LIMS1: variants seen among roughly 807,000 people sequenced by gnomAD.
The protein encoded by LIMS1 is LIM and senescent cell antigen-like-containing domain protein 1.
A neutral mutation model predicts 44.1 loss-of-function variants in LIMS1; 18 were observed. That is an observed-to-expected ratio of 0.41 (90% CI 0.28 to 0.61). LIMS1 has a LOEUF of 0.61. Among genes scored for constraint, LIMS1 ranks in the 20% least tolerant of loss-of-function variants. The pLI is 0.32. For missense variants in LIMS1, 201 were observed against 422.0 expected (o/e 0.48, Z 4.59); for synonymous variants, 93 against 149.1 (o/e 0.62, Z 2.74).
rs202008864 is a variant in LIMS1, at chr2:108,656,169, C to T, written c.33-3436C>T. ...AGATTTTTGGATTTATACATTGCTG[C>T]ATTTTAGGACCAAACAATTTGTTTT... On this transcript the variant is annotated intron_variant, in intron 1 of 9. Coordinates refer to ENST00000544547, the Ensembl canonical transcript of LIMS1. 4.8e-5 allele frequency among the ~76,000 whole-genome samples: 7 copies of T among 144,516 alleles called. No individual in the cohort carries two copies. In the East Asian group the frequency reaches 1.1e-3, roughly 22 times the overall value. The allele number at this position is 144,516 out of a possible 152,430, so 94.8% of individuals were successfully genotyped here.
At position 108,586,200 on chromosome 2, in the gene LIMS1, A is replaced by C. The variant is rs137975830; in HGVS notation, c.32+51606A>C. ...GAGCGAGACTCCGTCTCAAAACACAAAAAAAAACAAAAAAACAAACAAAAA... is the reference window on the plus strand; with the variant it reads ...GAGCGAGACTCCGTCTCAAAACACACAAAAAAACAAAAAAACAAACAAAAA... On this transcript the variant is annotated intron_variant, in intron 1 of 9. Coordinates refer to ENST00000544547, the Ensembl canonical transcript of LIMS1. Among the ~76,000 whole-genome samples the C allele has an allele frequency of 4.6e-3, 702 of 152,178 alleles. 4 individuals carry two copies. The highest frequency in any genetic ancestry group is 0.014 in the South Asian group (68 of 4,824).
chr2:108,570,251 T>C (rs1198615603), intron 1 of LIMS1, among the ~76,000 whole-genome samples: 1 of 152,008 alleles, frequency 6.6e-6, no homozygotes, highest in African/African-American at 2.4e-5. Context: ...GTCAACATGG[T>C]GAAACCCCAT....
intron 1 of LIMS1, among the ~76,000 whole-genome samples, chr2:108,568,225 C>CA (rs1685361174): frequency 6.6e-6 from 1 of 152,086 alleles, no homozygotes; most frequent in Admixed American, 6.6e-5. Context: ...TTCTGAGAAC[C>CA]AATTGTTAAT....
chr2:108,567,000 A>T (rs1038342068), intron 1 of LIMS1, among the ~76,000 whole-genome samples: 1 of 152,218 alleles, frequency 6.6e-6, no homozygotes, highest in Non-Finnish European at 1.5e-5. Flanking sequence ...CTGAAACTCT[A>T]TATCCATTGA....
chr2:108,574,225 G>A (rs1685587510), intron 1 of LIMS1, among the ~76,000 whole-genome samples: 1 of 152,082 alleles, frequency 6.6e-6, no homozygotes. Context: ...TTTCTCTAGG[G>A]GACATGAAAA....
intron 9 of LIMS1, 54 bp from the exon 10 acceptor site, chr2:108,683,831 T>G: frequency 1.1e-6 from 1 of 940,508 alleles, no homozygotes; most frequent in East Asian, 2.5e-5. Context: ...TTTATATATC[T>G]TTGTTGAATA....
At chr2:108,659,141 G>A (rs1363875493) in intron 1 of LIMS1, 31 of 980,968 alleles carry the variant, frequency 3.2e-5, no homozygotes, top group East Asian at 1.1e-4. Context: ...GGGATAACCC[G>A]TGTCTAGGTT....
intron 1 of LIMS1, among the ~76,000 whole-genome samples, chr2:108,543,785 T>C (rs1030155108): frequency 1.3e-5 from 2 of 152,212 alleles, no homozygotes; most frequent in African/African-American, 4.8e-5. Flanking sequence ...CAATTTTGAG[T>C]TGGTCTGGTG....
chr2:108,598,460 G>A (rs1686832381), intron 1 of LIMS1, among the ~76,000 whole-genome samples: 1 of 152,198 alleles, frequency 6.6e-6, no homozygotes, highest in African/African-American at 2.4e-5. Flanking sequence ...AAAGCTGAAG[G>A]TAGGGCAGCC....
At chr2:108,657,404 C>T (rs1346097550) in intron 1 of LIMS1, among the ~76,000 whole-genome samples, 5 of 152,308 alleles carry the variant, frequency 3.3e-5, no homozygotes, top group Non-Finnish European at 7.3e-5. Context: ...CAGCATCTTA[C>T]GGTTTCCAAA....
intron 1 of LIMS1, among the ~76,000 whole-genome samples, chr2:108,613,326 T>TA (rs1426180749): frequency 1.3e-5 from 2 of 152,240 alleles, no homozygotes; most frequent in African/African-American, 2.4e-5. Flanking sequence ...TTAAAACGCT[T>TA]ACGTTTCTGT....
At chr2:108,628,755 G>A (rs1330749168) in intron 1 of LIMS1, among the ~76,000 whole-genome samples, 1 of 152,142 alleles carries the variant, frequency 6.6e-6, no homozygotes, top group Non-Finnish European at 1.5e-5. Flanking sequence ...GTGAGCCACC[G>A]CACCCAGCCT....
chr2:108,583,148 T>A (rs918362422), intron 1 of LIMS1, among the ~76,000 whole-genome samples: 3 of 151,824 alleles, frequency 2.0e-5, no homozygotes, highest in African/African-American at 7.3e-5. Context: ...AAGCAATGCC[T>A]CAGCCTCATG....
chr2:108,615,329 T>C (rs555729480), intron 1 of LIMS1, among the ~76,000 whole-genome samples: 1 of 152,300 alleles, frequency 6.6e-6, no homozygotes, highest in South Asian at 2.1e-4. Context: ...GCAAGTTTAC[T>C]ACATTGAGTG....
chr2:108,681,957 ATCT>A (rs535179911), intron 9 of LIMS1, among the ~76,000 whole-genome samples: 86 of 152,234 alleles, frequency 5.6e-4, no homozygotes, highest in South Asian at 2.1e-3. Context: ...TACGTAAGAC[ATCT>A]TCTTCTGTGA....
chr2:108,652,601 TA>T (rs1426030212), intron 1 of LIMS1, among the ~76,000 whole-genome samples: 1 of 152,228 alleles, frequency 6.6e-6, no homozygotes, highest in African/African-American at 2.4e-5. Context: ...AATAGTCCTG[TA>T]ACTTGATAGA....
intron 1 of LIMS1, among the ~76,000 whole-genome samples, chr2:108,627,608 T>TAAA (rs1688655792): frequency 6.6e-6 from 1 of 152,172 alleles, no homozygotes; most frequent in African/African-American, 2.4e-5. Context: ...GTCTCAGGTA[T>TAAA]AAATTACTTA....
At chr2:108,613,674 C>T (rs1249620515) in intron 1 of LIMS1, among the ~76,000 whole-genome samples, 1 of 152,166 alleles carries the variant, frequency 6.6e-6, no homozygotes, top group South Asian at 2.1e-4. Context: ...CAGGTGGGAT[C>T]TTGTCAGTAC....
At chr2:108,561,997 T>C (rs10209071) in intron 1 of LIMS1, among the ~76,000 whole-genome samples, 66,507 of 151,838 alleles carry the variant, frequency 0.44, 16,043 homozygotes, top group East Asian at 0.95. Context: ...CCACCTTGGC[T>C]TCCCGAAGTG....
Sources: gnomAD v4.1 joint callset for allele counts (sites outside exome capture counted in the v4.1 genomes callset) on GRCh38, gnomAD v4.1.1 for gene constraint, MANE v1.5 for transcripts, NCBI Gene and HGNC (gene_info 2026-07-23, HGNC 2026-07-21) for gene names.